PHACTR3: variants seen among roughly 807,000 people sequenced by gnomAD.
PHACTR3 encodes protein phosphatase 1, regulatory subunit 123.
A neutral mutation model predicts 66.8 loss-of-function variants in PHACTR3; 16 were observed. That is an observed-to-expected ratio of 0.24 (90% CI 0.16 to 0.36). The LOEUF is 0.36. PHACTR3 is among the 10% of genes least tolerant of loss of function. The probability of loss-of-function intolerance (pLI) is 1.00; values close to 1 mark genes in which losing one functional copy is unlikely to be tolerated. For missense variants in PHACTR3, 647 were observed against 719.9 expected (o/e 0.90, Z 1.16); for synonymous variants, 323 against 292.1 (o/e 1.11, Z -1.08).
chr20:59,716,849 C>T (rs549255017), intron 1 of PHACTR3, among the ~76,000 whole-genome samples: 6 of 152,298 alleles, frequency 3.9e-5, no homozygotes, highest in South Asian at 2.1e-4. Flanking sequence ...TCAATAAATG[C>T]GCCTTGCTCT....
chr20:59,755,328 A>C lies in PHACTR3; in HGVS notation c.505A>C (p.Lys169Gln), dbSNP rs2039747794. The change falls in exon 4 of 13, where the codon AAG becomes CAG. Residue 169 changes from lysine (K) to glutamine (Q), a missense_variant. By Grantham distance (53) the Lys-to-Gln change is moderately conservative (BLOSUM62 1). Coordinates refer to ENST00000371015, the MANE Select transcript of PHACTR3 (RefSeq NM_080672.5). ...TGGGACGGACCAGGTCTCCCTGGAC[A>C]AGCCACTGTCCTCAGCTGCCCACTT... The part of the protein sequence containing the change: ...ATGTDQVSLD[K>Q]PLSSAAHLDD... The C allele has an allele frequency of 3.1e-6, 5 of 1,613,650 alleles. No homozygotes were observed. The highest frequency in any genetic ancestry group is 4.2e-6 in the Non-Finnish European group (5 of 1,180,008).
chr20:59,642,212 C>A (rs1022049023), intron 1 of PHACTR3, among the ~76,000 whole-genome samples: 5 of 152,142 alleles, frequency 3.3e-5, no homozygotes, highest in Admixed American at 6.6e-5. Flanking sequence ...GGATGCCACC[C>A]CAGCTTACCC....
chr20:59,822,858 G>A (rs935850795), intron 8 of PHACTR3, among the ~76,000 whole-genome samples: 7 of 152,276 alleles, frequency 4.6e-5, no homozygotes, highest in South Asian at 2.1e-4. Flanking sequence ...GGAGAGCGGC[G>A]GGCTGTTCAG....
intron 7 of PHACTR3, among the ~76,000 whole-genome samples, chr20:59,788,835 C>T (rs1354638827): frequency 1.3e-5 from 2 of 152,294 alleles, no homozygotes; most frequent in Admixed American, 6.5e-5. Flanking sequence ...CATCAAAGCC[C>T]AGGCAGTCCC....
intron 8 of PHACTR3, among the ~76,000 whole-genome samples, chr20:59,817,659 C>T (rs945562838): frequency 1.3e-5 from 2 of 152,236 alleles, no homozygotes; most frequent in Admixed American, 6.5e-5. Flanking sequence ...TGCACTCTTG[C>T]TCAAGAGGGC....
At chr20:59,827,232 CG>C (rs1376140570) in intron 8 of PHACTR3, among the ~76,000 whole-genome samples, 1 of 152,016 alleles carries the variant, frequency 6.6e-6, no homozygotes, top group Non-Finnish European at 1.5e-5. Flanking sequence ...CCTTCATGGG[CG>C]GGGGTGCACG....
intron 1 of PHACTR3, chr20:59,627,990 A>G (rs1294584016): frequency 6.6e-6 from 1 of 151,988 alleles, no homozygotes; most frequent in Non-Finnish European, 1.5e-5. Context: ...CCATCCATCC[A>G]TCTATCCAGG....
chr20:59,673,612 G>A (rs1248769048), intron 1 of PHACTR3, among the ~76,000 whole-genome samples: 1 of 152,202 alleles, frequency 6.6e-6, no homozygotes, highest in East Asian at 1.9e-4. Flanking sequence ...AGGCAGCTGG[G>A]ATGGTGACCC....
At chr20:59,653,936 G>T (rs1340683718) in intron 1 of PHACTR3, among the ~76,000 whole-genome samples, 1 of 152,120 alleles carries the variant, frequency 6.6e-6, no homozygotes, top group Admixed American at 6.5e-5. Flanking sequence ...CCACTAAAAC[G>T]AAGCAGAGTT....
intron 8 of PHACTR3, among the ~76,000 whole-genome samples, chr20:59,819,366 A>T (rs914509112): frequency 2.0e-5 from 3 of 151,988 alleles, no homozygotes; most frequent in Non-Finnish European, 4.4e-5. Flanking sequence ...ATCTCTACAA[A>T]AAATAGAAAT....
At chr20:59,706,478 C>A (rs1205540560) in intron 1 of PHACTR3, among the ~76,000 whole-genome samples, 1 of 152,234 alleles carries the variant, frequency 6.6e-6, no homozygotes, top group East Asian at 1.9e-4. Context: ...GTGACCCCAT[C>A]TAGGTGGTTG....
upstream of PHACTR3, among the ~76,000 whole-genome samples, chr20:59,600,162 C>G (rs1281069858): frequency 6.6e-6 from 1 of 152,208 alleles, no homozygotes; most frequent in Non-Finnish European, 1.5e-5. Flanking sequence ...CGCCCTTCCT[C>G]CCTTGCATGT....
intron 1 of PHACTR3, among the ~76,000 whole-genome samples, chr20:59,612,340 G>C (rs895573553): frequency 1.3e-5 from 2 of 151,638 alleles, no homozygotes; most frequent in Non-Finnish European, 2.9e-5. Context: ...GTGGGCCCAG[G>C]TTGGTGAGAC....
chr20:59,806,297 C>G, intron 8 of PHACTR3, 103 bp downstream of exon 8: 1 of 1,438,246 alleles, frequency 7.0e-7, no homozygotes, highest in South Asian at 1.4e-5. Flanking sequence ...GGACGCACAA[C>G]CCACCGTCTG....
chr20:59,718,059 C>T (rs889961886), intron 1 of PHACTR3, among the ~76,000 whole-genome samples: 15 of 152,188 alleles, frequency 9.9e-5, no homozygotes, highest in African/African-American at 3.6e-4. Context: ...CTGGGGAAAC[C>T]CAGAAGTTAG....
intron 6 of PHACTR3, among the ~76,000 whole-genome samples, chr20:59,773,769 T>C (rs1387619697): frequency 6.6e-6 from 1 of 152,190 alleles, no homozygotes; most frequent in Non-Finnish European, 1.5e-5. Flanking sequence ...TAGAGAAAAG[T>C]GGCCGTTCCA....
intron 12 of PHACTR3, among the ~76,000 whole-genome samples, chr20:59,845,816 G>A (rs1008126793): frequency 2.0e-5 from 3 of 152,084 alleles, no homozygotes; most frequent in Non-Finnish European, 4.4e-5. Flanking sequence ...ATGTCCCATT[G>A]GGAATATATT....
chr20:59,626,199 T>A (rs2034439638), intron 1 of PHACTR3, among the ~76,000 whole-genome samples: 1 of 152,202 alleles, frequency 6.6e-6, no homozygotes, highest in East Asian at 1.9e-4. Flanking sequence ...GTCACCGTTT[T>A]TTGAGTATGC....
intron 1 of PHACTR3, among the ~76,000 whole-genome samples, chr20:59,649,729 G>C (rs981903880): frequency 2.6e-5 from 4 of 152,146 alleles, no homozygotes; most frequent in Non-Finnish European, 5.9e-5. Context: ...AAGTATCACT[G>C]ATAAGTTGGG....
Sources: allele counts gnomAD v4.1 joint callset (sites outside exome capture counted in the v4.1 genomes callset), GRCh38; gene constraint gnomAD v4.1.1; transcripts MANE v1.5; gene names NCBI Gene and HGNC (gene_info 2026-07-23, HGNC 2026-07-21).